Variants in SRPX observed in about 807,000 individuals in gnomAD.
SRPX encodes the protein sushi repeat containing protein X-linked.
A neutral mutation model predicts 38.1 loss-of-function variants in SRPX; 24 were observed. The ratio of observed to expected loss-of-function variants is 0.63; its 90% CI spans 0.46 to 0.89. SRPX has a LOEUF of 0.89. Ranked by LOEUF, SRPX falls within the 40% of genes least tolerant of loss-of-function variation. The pLI is 0.00. For synonymous variants in SRPX, 184 were observed against 153.8 expected (o/e 1.20, Z -1.45); for missense variants, 416 against 377.8 (o/e 1.10, Z -0.84).
At position 38,149,901 on chromosome X, in the gene SRPX, C is replaced by A; in HGVS notation, c.1212-7G>T. On this transcript the variant is annotated splice_region_variant and splice_polypyrimidine_tract_variant and intron_variant, in intron 9 of 9. Transcript: ENST00000378533. ...TGGGATTCGCAGCAACAGCCTGTGG[C>A]AGACAAAGAAAAGAGGAGACTAAGT... The A allele has an allele frequency of 8.4e-7, 1 of 1,194,822 alleles. No homozygotes were observed. Among genetic ancestry groups the A allele is most frequent in the Non-Finnish European group, 1.1e-6 (1 of 887,148 alleles).
At chrX:38,161,610 G>T (rs986030508) in intron 5 of SRPX, among the ~76,000 whole-genome samples, 4 of 111,674 alleles carry the variant, frequency 3.6e-5, no homozygotes, top group Non-Finnish European at 7.5e-5. Context: ...GACAAAAAGT[G>T]TTCTTTGCAC....
chrX:38,220,457 G>A (rs767258042), intron 1 of SRPX, among the ~76,000 whole-genome samples: 1 of 113,894 alleles, frequency 8.8e-6, no homozygotes, highest in Admixed American at 9.1e-5. Flanking sequence ...GAAGGTGCTA[G>A]GGCTCCCGTC....
intron 6 of SRPX, among the ~76,000 whole-genome samples, chrX:38,160,694 C>T (rs889175342): frequency 6.3e-5 from 7 of 111,069 alleles, no homozygotes; most frequent in Admixed American, 9.6e-5. Context: ...CTATGGGATC[C>T]TGTAAGACTA....
chrX:38,157,470 T>C (rs1225149817), intron 7 of SRPX, among the ~76,000 whole-genome samples: 1 of 111,183 alleles, frequency 9.0e-6, no homozygotes, highest in Non-Finnish European at 1.9e-5. Flanking sequence ...GTGTAGCATC[T>C]TCAAATCTCT....
At chrX:38,198,463 T>C (rs902248225) in intron 1 of SRPX, among the ~76,000 whole-genome samples, 7 of 112,423 alleles carry the variant, frequency 6.2e-5, no homozygotes, top group African/African-American at 1.3e-4. Context: ...ATCACACATA[T>C]TGTTGGAGCC....
rs185004384 is a variant in SRPX, at chrX:38,214,815, C to G, written c.97+5881G>C. On this transcript the variant is annotated intron_variant, in intron 1 of 9. Transcript: ENST00000378533. Reference sequence around the variant, plus strand: ...TGCCAAACCTTGGCTTAATTCTCACCCTGTGGCCCTAATTTAACCGTGTTT... The same window carrying G: ...TGCCAAACCTTGGCTTAATTCTCACGCTGTGGCCCTAATTTAACCGTGTTT... Among the ~76,000 whole-genome samples, 189 of 111,821 alleles carry G rather than the reference C, an allele frequency of 1.7e-3. 2 individuals are homozygous for G. Among genetic ancestry groups the G allele is most frequent in the African/African-American group, 5.6e-3 (172 of 30,757 alleles).
chrX:38,192,194 T>C (rs954764299), intron 1 of SRPX, among the ~76,000 whole-genome samples: 1 of 112,171 alleles, frequency 8.9e-6, no homozygotes, highest in East Asian at 2.8e-4. Context: ...ATGTGGCCTC[T>C]CACCTACAGA....
intron 8 of SRPX, among the ~76,000 whole-genome samples, chrX:38,155,852 G>A (rs1299044738): frequency 2.7e-5 from 3 of 111,904 alleles, no homozygotes; most frequent in Non-Finnish European, 5.6e-5. Flanking sequence ...ACAAGGGGAG[G>A]TAAGCTGGTG....
At chrX:38,161,325 G>T (rs1020344938) in intron 5 of SRPX, among the ~76,000 whole-genome samples, 9 of 110,552 alleles carry the variant, frequency 8.1e-5, no homozygotes, top group Non-Finnish European at 1.5e-4. Context: ...GTGGGTAGAG[G>T]GGGGAGGGAG....
intron 1 of SRPX, among the ~76,000 whole-genome samples, chrX:38,211,048 C>T (rs955134023): frequency 5.3e-5 from 6 of 112,244 alleles, no homozygotes; most frequent in Middle Eastern, 4.6e-3. Context: ...GACTCTGTCA[C>T]AACTATTCAA....
At chrX:38,179,024 G>A (rs1419503354) in intron 1 of SRPX, among the ~76,000 whole-genome samples, 2 of 101,918 alleles carry the variant, frequency 2.0e-5, no homozygotes, top group Non-Finnish European at 3.9e-5. Flanking sequence ...TTGGCTCACC[G>A]CAACCTCCGC....
At position 38,164,865 on chromosome X, in the gene SRPX, C is replaced by T. The variant is rs1225039881; in HGVS notation, c.557G>A (p.Ser186Asn). 1.3e-5 allele frequency: 16 copies of T among 1,208,642 alleles called. No individual in the cohort carries two copies. The highest frequency in any genetic ancestry group is 1.8e-5 in the Non-Finnish European group (16 of 894,662). Residue 186 changes from serine (S) to asparagine (N), a missense_variant, in exon 5 of 10, where the codon AGT becomes AAT. Coordinates refer to ENST00000378533, the MANE Select transcript of SRPX (RefSeq NM_006307.5). ...GGGTTCTGCAATGCGTTCCTTCACA[C>T]TTGGGCACTTGATTCTAGGAGGTTC... Reference protein sequence around the residue: ...DMEPPRIKCPSVKERIAEPNK... With the variant: ...DMEPPRIKCPNVKERIAEPNK...
chrX:38,172,155 T>TTA (rs1403745853), intron 3 of SRPX, 98 bp from the exon 4 acceptor site: 1 of 956,264 alleles, frequency 1.0e-6, no homozygotes, highest in African/African-American at 2.0e-5. Context: ...GGTGAAAAGT[T>TTA]AATTTAAATA....
chrX:38,158,076 A>G lies in SRPX; in HGVS notation c.956-1047T>C, dbSNP rs1243622179. ...GAAAGGCATATGGGCCAAGCACCAT[A>G]GTATCTGCTGGGGAAAGGGGTGCAG... On this transcript the variant is annotated intron_variant, in intron 7 of 9. Transcript: ENST00000378533. Among the ~76,000 whole-genome samples, 4 of 112,387 alleles carry G rather than the reference A, an allele frequency of 3.6e-5. No individual in the cohort carries two copies. In the East Asian group the frequency reaches 8.4e-4, roughly 23 times the overall value.
intron 1 of SRPX, among the ~76,000 whole-genome samples, chrX:38,216,709 C>T (rs373701692): frequency 8.9e-6 from 1 of 112,461 alleles, no homozygotes; most frequent in South Asian, 3.6e-4. Context: ...CAAAACTAAA[C>T]CTTCTTCTGT....
intron 1 of SRPX, among the ~76,000 whole-genome samples, chrX:38,201,917 C>T (rs1939120819): frequency 8.9e-6 from 1 of 111,877 alleles, no homozygotes; most frequent in Admixed American, 9.4e-5. Context: ...GAAGTAGACA[C>T]TGGGTACAGA....
At chrX:38,191,617 C>T (rs533399010) in intron 1 of SRPX, among the ~76,000 whole-genome samples, 1 of 111,093 alleles carries the variant, frequency 9.0e-6, no homozygotes, top group African/African-American at 3.3e-5. Flanking sequence ...ATTTTAATTT[C>T]CCTGAACCCA....
At chrX:38,217,414 A>G (rs970162435) in intron 1 of SRPX, among the ~76,000 whole-genome samples, 15 of 111,396 alleles carry the variant, frequency 1.3e-4, no homozygotes, top group African/African-American at 4.6e-4. Flanking sequence ...GGCAAGGGGG[A>G]AGGATTCCAG....
At chrX:38,181,736 C>G (rs892375229) in intron 1 of SRPX, among the ~76,000 whole-genome samples, 1 of 111,526 alleles carries the variant, frequency 9.0e-6, no homozygotes, top group Admixed American at 9.5e-5. Flanking sequence ...CATAAAATAC[C>G]TAGAGAGGAT....
Sources: allele counts gnomAD v4.1 joint callset (sites outside exome capture counted in the v4.1 genomes callset), GRCh38; gene constraint gnomAD v4.1.1; transcripts MANE v1.5; gene names NCBI Gene and HGNC (gene_info 2026-07-23, HGNC 2026-07-21).